Variants in ADAM9 observed in about 807,000 individuals in gnomAD.
ADAM9 encodes ADAM metallopeptidase domain 9.
Under a neutral mutation model 108.1 loss-of-function variants are expected in ADAM9, and 54 were observed. The observed-to-expected ratio is 0.50, with a 90% CI of 0.40 to 0.63. ADAM9 has a LOEUF of 0.63. Among genes scored for constraint, ADAM9 ranks in the 20% least tolerant of loss-of-function variants. The pLI is 0.00. For missense variants in ADAM9, 830 were observed against 997.7 expected, an observed-to-expected ratio of 0.83 and a Z score of 2.26; for synonymous variants, 316 against 336.0, an observed-to-expected ratio of 0.94 and a Z score of 0.65.
At position 39,103,917 on chromosome 8, in the gene ADAM9, C is replaced by T. The variant is rs775309252; in HGVS notation, c.*217C>T. 6.7e-5 allele frequency: 46 copies of T among 681,602 alleles called. No individual in the cohort carries two copies. The highest frequency in any genetic ancestry group is 3.8e-4 in the Middle Eastern group (1 of 2,662). 42.2% of individuals were successfully genotyped at this position (681,602 alleles called of 1,614,324 possible). A position where few individuals can be genotyped will look rare whatever the true frequency, so the allele number is the denominator to read the frequency against. ...GCCAGGGAATTTACAATAACATTTCCGTTTCCATCATTGAATAAGTCTTAT... is the reference window on the plus strand; with the variant it reads ...GCCAGGGAATTTACAATAACATTTCTGTTTCCATCATTGAATAAGTCTTAT... On this transcript the variant is annotated 3_prime_UTR_variant, in exon 22 of 22. Coordinates refer to ENST00000487273, the MANE Select transcript of ADAM9 (RefSeq NM_003816.3).
chr8:39,082,895 G>T (rs1839067409), intron 17 of ADAM9, 73 bp from the exon 18 acceptor site: 1 of 1,428,716 alleles, frequency 7.0e-7, no homozygotes, highest in South Asian at 1.2e-5. Flanking sequence ...CTTTCTCTTG[G>T]TTTCCATTCT....
intron 20 of ADAM9, among the ~76,000 whole-genome samples, chr8:39,099,377 G>A (rs1031384325): frequency 6.6e-6 from 1 of 152,074 alleles, no homozygotes; most frequent in African/African-American, 2.4e-5. Flanking sequence ...CACCAACCCA[G>A]CCAAGTGTTT....
At chr8:39,013,766 T>C (rs1564236656) in intron 3 of ADAM9, among the ~76,000 whole-genome samples, 199 bp from the exon 4 acceptor site, 1 of 152,126 alleles carries the variant, frequency 6.6e-6, no homozygotes. Flanking sequence ...CCTTCCAAAA[T>C]GTTGGGGTTA....
chr8:39,061,602 T>G (rs548173250), intron 14 of ADAM9, among the ~76,000 whole-genome samples: 2 of 152,312 alleles, frequency 1.3e-5, no homozygotes, highest in East Asian at 3.9e-4. Context: ...GACCGGGTAA[T>G]TAATAGTGAA....
In ADAM9 at chr8:39,092,405, G is replaced by A. The variant is rs189763823; in HGVS notation, c.2298+1059G>A. ...TCTTTATAAAAAGGAGACAAAAATC[G>A]TTAGGCCCTTTCTCCTCTTAACCAT... On this transcript the variant is annotated intron_variant, in intron 20 of 21. Transcript: ENST00000487273. Among the ~76,000 whole-genome samples the A allele has an allele frequency of 2.1e-3, 321 of 151,202 alleles. 2 individuals carry two copies. Among genetic ancestry groups the A allele is most frequent in the Middle Eastern group, 0.014 (4 of 294 alleles).
chr8:39,003,763 T>TA (rs1836077633), intron 1 of ADAM9, among the ~76,000 whole-genome samples: 2 of 152,194 alleles, frequency 1.3e-5, no homozygotes, highest in Non-Finnish European at 1.5e-5. Flanking sequence ...TAACAGCCCT[T>TA]ACACACAGAA....
intron 15 of ADAM9, 26 bp downstream of exon 15, chr8:39,071,429 A>T: frequency 4.8e-6 from 7 of 1,467,302 alleles, no homozygotes; most frequent in Non-Finnish European, 6.7e-6. Flanking sequence ...GTCATAATGG[A>T]ATATGAAAGA....
At chr8:39,023,648 G>C (rs1471823264) in intron 9 of ADAM9, among the ~76,000 whole-genome samples, 1 of 150,826 alleles carries the variant, frequency 6.6e-6, no homozygotes, top group Non-Finnish European at 1.5e-5. Flanking sequence ...TTTCGGAACA[G>C]AATTGAAAAA....
At position 39,103,946 on chromosome 8, in the gene ADAM9, G is replaced by A; in HGVS notation, c.*246G>A. 1 of 651,068 alleles carries A rather than the reference G, an allele frequency of 1.5e-6. No homozygotes were observed. The highest frequency in any genetic ancestry group is 2.8e-6 in the Non-Finnish European group (1 of 354,512). The allele number at this position is 651,068 out of a possible 1,614,324, so 40.3% of individuals were successfully genotyped here. ...TCCATCATTGAATAAGTCTTATTCA[G>A]TCATCGGTGAGGTTAATGCACTAAT... On this transcript the variant is annotated 3_prime_UTR_variant, in exon 22 of 22. Coordinates refer to ENST00000487273, the MANE Select transcript of ADAM9 (RefSeq NM_003816.3).
chr8:39,053,762 G>A (rs1048304559), intron 12 of ADAM9, among the ~76,000 whole-genome samples: 2 of 152,120 alleles, frequency 1.3e-5, no homozygotes, highest in Non-Finnish European at 1.5e-5. Flanking sequence ...AGGTAAAAAA[G>A]AGTGTTCAGC....
At chr8:39,085,740 C>G (rs1050305714) in intron 18 of ADAM9, among the ~76,000 whole-genome samples, 9 of 152,214 alleles carry the variant, frequency 5.9e-5, no homozygotes, top group African/African-American at 2.2e-4. Context: ...TTTCTAATCT[C>G]TGGTCACTTG....
chr8:39,036,341 A>C (rs981405787), intron 11 of ADAM9, among the ~76,000 whole-genome samples: 1 of 147,888 alleles, frequency 6.8e-6, no homozygotes, highest in Non-Finnish European at 1.5e-5. Flanking sequence ...AATCTAATTC[A>C]GTACCAGCAC....
At chr8:39,077,174 T>C in intron 15 of ADAM9, 54 bp from the exon 16 acceptor site, 1 of 1,593,482 alleles carries the variant, frequency 6.3e-7, no homozygotes, top group Non-Finnish European at 8.6e-7. Flanking sequence ...AATTTTTTCT[T>C]TTGTTATGTA....
chr8:39,090,018 G>T, intron 18 of ADAM9, 29 bp from the exon 19 acceptor site: 1 of 1,612,082 alleles, frequency 6.2e-7, no homozygotes, highest in Non-Finnish European at 8.5e-7. Context: ...TGAGTTTGGT[G>T]ACTGTTGATG....
intron 14 of ADAM9, among the ~76,000 whole-genome samples, chr8:39,060,376 GTT>G (rs1326799336): frequency 6.6e-6 from 1 of 152,224 alleles, no homozygotes; most frequent in Non-Finnish European, 1.5e-5. Flanking sequence ...CTATTGCAGA[GTT>G]TCTCTTTGTT....
chr8:39,017,386 AG>A lies in ADAM9; in HGVS notation c.579del (p.Glu193AspfsTer5). On this transcript the variant is annotated frameshift_variant, in exon 6 of 22. Transcript: ENST00000487273. LOFTEE classifies it high-confidence loss of function. ...EKETAKDEEE[E>X]PPSMTQLLRR... Reference sequence around the variant, plus strand: ...GAAACTGCAAAGGATGAAGAGGAAGAGCCTCCCAGCATGACTCAGCTACTTC... The same window carrying A: ...GAAACTGCAAAGGATGAAGAGGAAGACCTCCCAGCATGACTCAGCTACTTC... 6.2e-7 allele frequency: 1 copy of A among 1,614,112 alleles called. No individual in the cohort carries two copies. Among genetic ancestry groups the A allele is most frequent in the Non-Finnish European group, 8.5e-7 (1 of 1,179,996 alleles).
chr8:39,007,098 T>A (rs146710315), intron 1 of ADAM9, among the ~76,000 whole-genome samples: 1 of 152,332 alleles, frequency 6.6e-6, no homozygotes, highest in African/African-American at 2.4e-5. Flanking sequence ...AGGCATCTGC[T>A]TCTGGTGAGG....
chr8:39,083,039 C>A lies in ADAM9; in HGVS notation c.2034C>A (p.Tyr678Ter). 2 of 1,613,728 alleles carry A rather than the reference C, an allele frequency of 1.2e-6. No individual in the cohort carries two copies. Among genetic ancestry groups the A allele is most frequent in the Non-Finnish European group, 1.7e-6 (2 of 1,179,752 alleles). Residue 678 changes from tyrosine to a stop codon, truncating the protein, a stop_gained, in exon 18 of 22, where the codon TAC becomes TAA. Coordinates refer to ENST00000487273, the MANE Select transcript of ADAM9 (RefSeq NM_003816.3). LOFTEE classifies it high-confidence loss of function. ...CCCCAAATTGTGAGACTAAAGGATA[C>A]GGAGGAAGTGTGGACAGTGGACCTA... ...WAPPNCETKG[Y>*]GGSVDSGPTY...
At chr8:39,061,879 A>G (rs1210732712) in intron 14 of ADAM9, among the ~76,000 whole-genome samples, 1 of 152,156 alleles carries the variant, frequency 6.6e-6, no homozygotes, top group Non-Finnish European at 1.5e-5. Flanking sequence ...CAGACATTTA[A>G]ACCATATCTG....
Sources: allele counts gnomAD v4.1 joint callset (sites outside exome capture counted in the v4.1 genomes callset), GRCh38; gene constraint gnomAD v4.1.1; transcripts MANE v1.5; gene names NCBI Gene and HGNC (gene_info 2026-07-23, HGNC 2026-07-21).